Variants in SGCZ observed in about 807,000 individuals in gnomAD.
SGCZ encodes zeta-sarcoglycan.
Under a neutral mutation model 41.3 loss-of-function variants are expected in SGCZ, and 40 were observed. The observed-to-expected ratio is 0.97, with a 90% CI of 0.75 to 1.26. The LOEUF is 1.26. Among genes scored for constraint, SGCZ ranks in the 50% most tolerant of loss-of-function variants. SGCZ has a pLI of 0.00. For missense variants in SGCZ, 552 were observed against 369.8 expected (o/e 1.49, Z -4.04); for synonymous variants, 206 against 137.5 (o/e 1.50, Z -3.49).
At position 15,238,331 on chromosome 8, in the gene SGCZ, GAA is replaced by G. The variant is rs1021115467; in HGVS notation, c.-710_-709del. The G allele has an allele frequency of 1.3e-5, 2 of 152,204 alleles. No individual in the cohort carries two copies. Among genetic ancestry groups the G allele is most frequent in the Non-Finnish European group, 2.9e-5 (2 of 68,056 alleles). 9.4% of individuals were successfully genotyped at this position (152,204 alleles called of 1,614,324 possible). On this transcript the variant is annotated 5_prime_UTR_variant, in exon 1 of 8. Transcript: ENST00000382080. ...TCCAACGGAGAGAAAAAGAGGGAGA[GAA>G]AGAGAGAGGGAGAGAAAAATTTTCC...
chr8:15,072,544 C>T (rs749326543), intron 1 of SGCZ, among the ~76,000 whole-genome samples: 12 of 152,130 alleles, frequency 7.9e-5, no homozygotes, highest in Non-Finnish European at 1.2e-4. Flanking sequence ...AACCTATTGC[C>T]ACATATCAAT....
chr8:14,162,645 C>G lies in SGCZ; in HGVS notation c.547+1935G>C, dbSNP rs1804081749. On this transcript the variant is annotated intron_variant, in intron 5 of 7. Transcript: ENST00000382080. Reference sequence around the variant, plus strand: ...TCCTTTCCTAGCCTTCCCAAGAAGTCTTAAGAAAAATGGACATCAACCAGG... The same window carrying G: ...TCCTTTCCTAGCCTTCCCAAGAAGTGTTAAGAAAAATGGACATCAACCAGG... 2.0e-5 allele frequency: 3 copies of G among 152,096 alleles called. No individual in the cohort carries two copies. In the South Asian group the frequency reaches 6.2e-4, roughly 31 times the overall value. 9.4% of individuals were successfully genotyped at this position (152,096 alleles called of 1,614,324 possible). A position where few individuals can be genotyped will look rare whatever the true frequency, so the allele number is the denominator to read the frequency against.
At chr8:14,114,745 A>G (rs1315735130) in intron 5 of SGCZ, among the ~76,000 whole-genome samples, 2 of 152,040 alleles carry the variant, frequency 1.3e-5, no homozygotes, top group African/African-American at 4.8e-5. Flanking sequence ...AAATTAGACT[A>G]AAATATATCA....
At chr8:14,777,185 T>A (rs953420597) in intron 1 of SGCZ, among the ~76,000 whole-genome samples, 9 of 152,190 alleles carry the variant, frequency 5.9e-5, no homozygotes, top group Non-Finnish European at 1.2e-4. Flanking sequence ...TAATCCATCC[T>A]AAGAGAAACT....
intron 3 of SGCZ, among the ~76,000 whole-genome samples, chr8:14,283,625 C>T (rs1458169747): frequency 2.0e-5 from 3 of 152,208 alleles, no homozygotes; most frequent in Non-Finnish European, 4.4e-5. Flanking sequence ...TATTCTCTTA[C>T]ATAACCATGT....
chr8:14,249,767 T>A (rs1413797753), intron 3 of SGCZ, among the ~76,000 whole-genome samples: 2 of 152,164 alleles, frequency 1.3e-5, no homozygotes, highest in Non-Finnish European at 2.9e-5. Context: ...CTGAGATTAC[T>A]TTTTCAAATG....
At chr8:14,902,458 T>C (rs1014869514) in intron 1 of SGCZ, among the ~76,000 whole-genome samples, 2 of 152,112 alleles carry the variant, frequency 1.3e-5, no homozygotes, top group African/African-American at 4.8e-5. Context: ...GAATTTTCCT[T>C]GCCTGGAAAA....
At chr8:14,300,788 T>G (rs1477496239) in intron 3 of SGCZ, among the ~76,000 whole-genome samples, 1 of 152,026 alleles carries the variant, frequency 6.6e-6, no homozygotes, top group Admixed American at 6.6e-5. Flanking sequence ...AAATTTCTAT[T>G]CAGGTCCTTT....
intron 1 of SGCZ, among the ~76,000 whole-genome samples, chr8:14,963,131 G>T (rs1006887220): frequency 2.6e-5 from 4 of 152,148 alleles, no homozygotes; most frequent in Non-Finnish European, 4.4e-5. Context: ...GGTCACAAAT[G>T]AGTATCACGG....
At chr8:14,379,511 GGAAACAACTC>G in intron 2 of SGCZ, among the ~76,000 whole-genome samples, 1 of 151,894 alleles carries the variant, frequency 6.6e-6, no homozygotes, top group Admixed American at 6.6e-5. Flanking sequence ...TGCTCCCAAG[GGAAACAACTC>G]AATATCATGA....
At chr8:15,192,002 T>A (rs865914561) in intron 1 of SGCZ, among the ~76,000 whole-genome samples, 1 of 152,060 alleles carries the variant, frequency 6.6e-6, no homozygotes, top group Non-Finnish European at 1.5e-5. Context: ...AAGTAGTACC[T>A]ACATCAAGGG....
chr8:14,737,516 G>A (rs1051331821), intron 1 of SGCZ, among the ~76,000 whole-genome samples: 6 of 152,048 alleles, frequency 3.9e-5, no homozygotes, highest in South Asian at 2.1e-4. Flanking sequence ...CCTTGTTAGG[G>A]CTGATATAAC....
At chr8:14,294,932 A>G (rs977327345) in intron 3 of SGCZ, among the ~76,000 whole-genome samples, 1 of 152,132 alleles carries the variant, frequency 6.6e-6, no homozygotes, top group Non-Finnish European at 1.5e-5. Flanking sequence ...ATTAACAGGT[A>G]TGTGTAGCAA....
intron 3 of SGCZ, among the ~76,000 whole-genome samples, chr8:14,277,712 A>G (rs184512924): frequency 1.3e-4 from 20 of 152,268 alleles, no homozygotes; most frequent in Admixed American, 1.1e-3. Flanking sequence ...AAGACATAGA[A>G]GCTGCCTAAC....
intron 1 of SGCZ, among the ~76,000 whole-genome samples, chr8:14,693,171 A>G (rs905216719): frequency 2.6e-5 from 4 of 152,304 alleles, no homozygotes; most frequent in Middle Eastern, 3.4e-3. Flanking sequence ...AAATATTCTA[A>G]TGCTAACTTG....
chr8:14,836,869 C>T (rs544674847), intron 1 of SGCZ, among the ~76,000 whole-genome samples: 1 of 152,248 alleles, frequency 6.6e-6, no homozygotes, highest in South Asian at 2.1e-4. Context: ...CTTATGGCTA[C>T]TACTTTCATG....
intron 1 of SGCZ, among the ~76,000 whole-genome samples, chr8:14,621,206 A>G (rs1806273302): frequency 6.8e-6 from 1 of 146,624 alleles, no homozygotes; most frequent in South Asian, 2.2e-4. Flanking sequence ...CCAAAACCGC[A>G]TGTTCTCACT....
chr8:14,310,735 G>T (rs1286842889), intron 3 of SGCZ, among the ~76,000 whole-genome samples: 1 of 152,012 alleles, frequency 6.6e-6, no homozygotes, highest in East Asian at 1.9e-4. Context: ...GAAGGGATTT[G>T]TACTTCTTAT....
At chr8:14,129,341 G>T (rs1449248168) in intron 5 of SGCZ, among the ~76,000 whole-genome samples, 2 of 72,056 alleles carry the variant, frequency 2.8e-5, no homozygotes, top group South Asian at 5.2e-4. Context: ...GCGAGACTCC[G>T]TCTCAAAAAA....
Sources: gnomAD v4.1 joint callset for allele counts (sites outside exome capture counted in the v4.1 genomes callset) on GRCh38, gnomAD v4.1.1 for gene constraint, MANE v1.5 for transcripts, NCBI Gene and HGNC (gene_info 2026-07-23, HGNC 2026-07-21) for gene names.